Variants in FGF13 observed in about 807,000 individuals in gnomAD.
FGF13 encodes the protein fibroblast growth factor 13, also known as fibroblast growth factor homologous factor 2.
FGF13 carries 2 observed loss-of-function variants against 19.5 expected under a neutral mutation model. That is an observed-to-expected ratio of 0.10 (90% CI 0.04 to 0.32). FGF13 has a LOEUF of 0.32. Among genes scored for constraint, FGF13 ranks in the 10% least tolerant of loss-of-function variants. The pLI is 1.00. For missense variants in FGF13, 113 were observed against 192.7 expected (o/e 0.59, Z 2.45); for synonymous variants, 72 against 76.9 (o/e 0.94, Z 0.33).
chrX:138,817,662 C>T (rs2090970310), intron 3 of FGF13, among the ~76,000 whole-genome samples: 1 of 111,758 alleles, frequency 8.9e-6, no homozygotes, highest in Non-Finnish European at 1.9e-5. Context: ...TCAAAGACAG[C>T]ACAATGATAT....
chrX:138,656,617 A>AT (rs749811011), intron 3 of FGF13, among the ~76,000 whole-genome samples: 5 of 111,979 alleles, frequency 4.5e-5, no homozygotes, highest in South Asian at 3.7e-4. Context: ...CCGGTGAATG[A>AT]TAAGACTTGG....
At chrX:138,762,971 G>A (rs2090477829) in intron 3 of FGF13, among the ~76,000 whole-genome samples, 1 of 111,189 alleles carries the variant, frequency 9.0e-6, no homozygotes, top group Non-Finnish European at 1.9e-5. Context: ...ATCTAAGTTA[G>A]CAGAACTGCT....
chrX:138,935,152 G>A (rs1287891839), intron 1 of FGF13, among the ~76,000 whole-genome samples: 1 of 110,834 alleles, frequency 9.0e-6, no homozygotes, highest in East Asian at 2.9e-4. Flanking sequence ...AAACTTTGTT[G>A]GGCGGCCCCT....
At chrX:138,778,143 G>C (rs989165821) in intron 3 of FGF13, among the ~76,000 whole-genome samples, 2 of 110,298 alleles carry the variant, frequency 1.8e-5, no homozygotes, top group African/African-American at 3.3e-5. Flanking sequence ...CTGAGGTACC[G>C]GGTTCATCTC....
Position 138,615,627 on chromosome X carries a change from A to T in FGF13, c.*17223T>A, listed in dbSNP as rs992891238. On this transcript the variant is annotated 3_prime_UTR_variant, in exon 5 of 5. Coordinates refer to ENST00000315930, the MANE Select transcript of FGF13 (RefSeq NM_004114.5). ...CTGGTACCATAGATAAAGAATAAGG[A>T]TAATGCAATGGGAACAGTTGAAATA... 2 of 111,794 alleles carry T rather than the reference A, an allele frequency of 1.8e-5. No individual in the cohort carries two copies. The allele number at this position is 111,794 out of a possible 1,213,427, so 9.2% of individuals were successfully genotyped here. A position where few individuals can be genotyped will look rare whatever the true frequency, so the allele number is the denominator to read the frequency against.
chrX:138,728,153 A>G (rs1265681809), intron 1 of FGF13, among the ~76,000 whole-genome samples: 3 of 111,408 alleles, frequency 2.7e-5, no homozygotes, highest in Non-Finnish European at 5.7e-5. Context: ...GGCTTATTTG[A>G]TAATATTTCA....
At chrX:139,107,384 G>A (rs1012062032) in intron 1 of FGF13, among the ~76,000 whole-genome samples, 1 of 111,838 alleles carries the variant, frequency 8.9e-6, no homozygotes, top group African/African-American at 3.3e-5. Context: ...AAATGAAGTA[G>A]ACCCCACAGA....
In FGF13 at chrX:138,880,922, C is replaced by T. The variant is rs189943614; in HGVS notation, c.-112-16272G>A. Among the ~76,000 whole-genome samples the T allele has an allele frequency of 1.7e-4, 19 of 111,177 alleles. No individual in the cohort carries two copies. In the East Asian group the frequency reaches 5.1e-3, roughly 30 times the overall value. On this transcript the variant is annotated intron_variant, in intron 1 of 2. Transcript: ENST00000421460. ...GTCTATATAGGAGGCCCTTGTAATT[C>T]CATATTGTTTTGAGGATGAGCTTTT...
At chrX:138,924,482 T>C (rs978165092) in intron 1 of FGF13, among the ~76,000 whole-genome samples, 6 of 111,735 alleles carry the variant, frequency 5.4e-5, no homozygotes, top group Non-Finnish European at 9.4e-5. Flanking sequence ...AGGAGTAAAA[T>C]GGACAATAAT....
chrX:139,097,341 G>T (rs2083477140), intron 1 of FGF13, among the ~76,000 whole-genome samples: 2 of 111,253 alleles, frequency 1.8e-5, no homozygotes. Flanking sequence ...AAAATCTCGT[G>T]TTTTAAGGAA....
At chrX:139,009,953 G>T (rs762407722) in intron 1 of FGF13, among the ~76,000 whole-genome samples, 1 of 111,854 alleles carries the variant, frequency 8.9e-6, no homozygotes, top group Non-Finnish European at 1.9e-5. Flanking sequence ...AGGTAAAGGA[G>T]TGGAAAAAGA....
Position 138,873,025 on chromosome X carries a change from CAG to C in FGF13, c.-112-8377_-112-8376del, listed in dbSNP as rs774145185. On this transcript the variant is annotated intron_variant, in intron 1 of 2. Transcript: ENST00000421460. ...CTTCTTAATTTGTTTGCAACTTAGA[CAG>C]GGGGAGAAAAAGAACGTTTTGAGGT... Among the ~76,000 whole-genome samples, 78 of 111,711 alleles carry C rather than the reference CAG, an allele frequency of 7.0e-4. No homozygotes were observed. In the South Asian group the frequency reaches 0.013, roughly 18 times the overall value.
intron 1 of FGF13, among the ~76,000 whole-genome samples, chrX:139,127,303 CAAG>C (rs2083723439): frequency 9.0e-6 from 1 of 111,595 alleles, no homozygotes; most frequent in African/African-American, 3.3e-5. Flanking sequence ...CCCCCTTCCA[CAAG>C]AAGGTTTTTC....
At chrX:138,650,482 G>A (rs931244563) in intron 3 of FGF13, among the ~76,000 whole-genome samples, 6 of 111,574 alleles carry the variant, frequency 5.4e-5, no homozygotes, top group Admixed American at 9.5e-5. Context: ...CATACAAGTC[G>A]TACATGTTCC....
rs182012263 is a variant in FGF13 at position 138,859,738 on chromosome X, A to C, written c.-38-2059T>G. On this transcript the variant is annotated intron_variant, in intron 2 of 2. Transcript: ENST00000421460. ...GTAACACACAACAAAATTCTAGTGA[A>C]AGCTACATGCTGACTGATACAAGTG... 5.3e-5 allele frequency among the ~76,000 whole-genome samples: 6 copies of C among 112,354 alleles called. No homozygotes were observed. In the East Asian group the frequency reaches 1.7e-3, roughly 32 times the overall value.
intron 1 of FGF13, among the ~76,000 whole-genome samples, chrX:139,188,847 A>G (rs943165071): frequency 2.7e-5 from 3 of 112,259 alleles, no homozygotes; most frequent in Admixed American, 9.5e-5. Flanking sequence ...TCCAAATGAC[A>G]GAGTGAGTCA....
At chrX:138,905,200 T>G (rs2077409513) in intron 1 of FGF13, among the ~76,000 whole-genome samples, 1 of 111,465 alleles carries the variant, frequency 9.0e-6, no homozygotes, top group African/African-American at 3.3e-5. Context: ...TCCTAGAGCT[T>G]GCCTGTTCTT....
chrX:138,771,204 T>C (rs1476120641), intron 3 of FGF13, among the ~76,000 whole-genome samples: 1 of 111,898 alleles, frequency 8.9e-6, no homozygotes, highest in African/African-American at 3.3e-5. Flanking sequence ...AAGTTGGTTG[T>C]ACTCAGCTGA....
At chrX:138,869,881 G>T (rs1168407959) in intron 1 of FGF13, among the ~76,000 whole-genome samples, 3 of 111,866 alleles carry the variant, frequency 2.7e-5, no homozygotes, top group African/African-American at 9.7e-5. Flanking sequence ...GGCTGTCCTT[G>T]CAGGGATTAC....
Sources: gnomAD v4.1 joint callset for allele counts (sites outside exome capture counted in the v4.1 genomes callset) on GRCh38, gnomAD v4.1.1 for gene constraint, MANE v1.5 for transcripts, NCBI Gene and HGNC (gene_info 2026-07-23, HGNC 2026-07-21) for gene names.